CUEDC1: variants seen among roughly 807,000 people sequenced by gnomAD.
CUEDC1 encodes the protein CUE domain-containing protein 1.
In CUEDC1, 30 loss-of-function variants were observed where a neutral mutation model predicts 43.7. The ratio of observed to expected loss-of-function variants is 0.69; its 90% CI spans 0.51 to 0.93. The LOEUF (loss-of-function observed/expected upper bound fraction) is 0.93, where lower values mean the gene tolerates loss of function less well. Ranked by LOEUF, CUEDC1 falls within the 40% of genes least tolerant of loss-of-function variation. CUEDC1 has a pLI of 0.00. For missense variants in CUEDC1, 486 were observed against 549.0 expected (o/e 0.89, Z 1.15); for synonymous variants, 223 against 223.6 (o/e 1.00, Z 0.02).
chr17:57,939,248 T>C (rs62081792), intron 1 of CUEDC1, among the ~76,000 whole-genome samples: 11,476 of 151,612 alleles, frequency 0.076, 586 homozygotes, highest in South Asian at 0.13. Context: ...ATTGCAGGCA[T>C]GAGCCACCAT....
intron 1 of CUEDC1, among the ~76,000 whole-genome samples, chr17:57,943,806 A>T (rs1484267231): frequency 6.6e-6 from 1 of 152,160 alleles, no homozygotes; most frequent in African/African-American, 2.4e-5. Flanking sequence ...CTCCAAAAAA[A>T]ACTCTCATAT....
chr17:57,868,336 G>A, intron 7 of CUEDC1, 93 bp from the exon 8 acceptor site: 1 of 1,144,636 alleles, frequency 8.7e-7, no homozygotes, highest in Non-Finnish European at 1.3e-6. Flanking sequence ...GGAGGACCAA[G>A]GCCCCCCGGA....
chr17:57,867,528 C>A, intron 8 of CUEDC1, 113 bp from the exon 9 acceptor site: 2 of 903,226 alleles, frequency 2.2e-6, no homozygotes, highest in Non-Finnish European at 3.5e-6. Flanking sequence ...ACCTGACACA[C>A]CCACCTGACC....
intron 1 of CUEDC1, among the ~76,000 whole-genome samples, chr17:57,890,994 C>T (rs1270666905): frequency 1.3e-5 from 2 of 152,216 alleles, no homozygotes; most frequent in Non-Finnish European, 2.9e-5. Flanking sequence ...ATAATAAGCA[C>T]CAGTGACACA....
intron 3 of CUEDC1, among the ~76,000 whole-genome samples, chr17:57,877,602 T>G (rs938692828): frequency 2.1e-3 from 242 of 117,328 alleles, no homozygotes; most frequent in Middle Eastern, 4.7e-3. Context: ...AAGGTGGGGG[T>G]GGGGATAGGC....
At chr17:57,887,743 GA>G (rs2074311009) in intron 1 of CUEDC1, among the ~76,000 whole-genome samples, 1 of 143,908 alleles carries the variant, frequency 6.9e-6, no homozygotes, top group South Asian at 2.2e-4. Context: ...GACGTCAGGT[GA>G]TCTGCCCACC....
chr17:57,935,768 C>T (rs2074856031), intron 1 of CUEDC1, among the ~76,000 whole-genome samples: 2 of 152,164 alleles, frequency 1.3e-5, no homozygotes, highest in African/African-American at 2.4e-5. Flanking sequence ...AGCGCCTGGC[C>T]GTCCCACCCC....
intron 1 of CUEDC1, among the ~76,000 whole-genome samples, chr17:57,941,708 C>T (rs755567976): frequency 6.6e-6 from 1 of 152,254 alleles, no homozygotes; most frequent in Non-Finnish European, 1.5e-5. Flanking sequence ...GGTTACTTAA[C>T]CCTCAGCCTC....
At chr17:57,932,537 A>C (rs1158112104) in intron 1 of CUEDC1, among the ~76,000 whole-genome samples, 1 of 147,386 alleles carries the variant, frequency 6.8e-6, no homozygotes, top group Admixed American at 6.8e-5. Context: ...GTGAGCAGAG[A>C]TCACGCCACT....
In CUEDC1 at chr17:57,895,962, G is replaced by A. The variant is rs182397854; in HGVS notation, c.-315-10083C>T. 5.3e-5 allele frequency among the ~76,000 whole-genome samples: 8 copies of A among 152,332 alleles called. No homozygotes were observed. The East Asian group carries it at 1.5e-3, about 29-fold the overall frequency. Reference sequence around the variant, plus strand: ...GCTGAAGGCCCCCCCAGTAGGCTGAGTTCTGAGGTCTGGACAGCAGCAGGA... The same window carrying A: ...GCTGAAGGCCCCCCCAGTAGGCTGAATTCTGAGGTCTGGACAGCAGCAGGA... On this transcript the variant is annotated intron_variant, in intron 1 of 10. Coordinates refer to ENST00000577830, the MANE Select transcript of CUEDC1 (RefSeq NM_001271875.2).
chr17:57,877,357 G>A lies in CUEDC1; in HGVS notation c.464+2254C>T, dbSNP rs954500955. Among the ~76,000 whole-genome samples, 7 of 152,316 alleles carry A rather than the reference G, an allele frequency of 4.6e-5. No homozygotes were observed. The East Asian group carries it at 9.7e-4, about 21-fold the overall frequency. On this transcript the variant is annotated intron_variant, in intron 3 of 10. Transcript: ENST00000577830. ...TTTATACTGGGATTTTCAGCCAAGC[G>A]TGACGGTATGCCCTGTAGTCCCAGC...
At chr17:57,904,274 A>G (rs1000112498) in intron 1 of CUEDC1, among the ~76,000 whole-genome samples, 4 of 151,938 alleles carry the variant, frequency 2.6e-5, no homozygotes, top group African/African-American at 9.7e-5. Flanking sequence ...ACCCATAACC[A>G]TCCTCACGGG....
chr17:57,948,762 G>A (rs2074979679), intron 1 of CUEDC1, among the ~76,000 whole-genome samples: 1 of 152,078 alleles, frequency 6.6e-6, no homozygotes, highest in African/African-American at 2.4e-5. Context: ...ATCCTATCTG[G>A]AATGTCTTCC....
chr17:57,870,688 T>C (rs1232040115), intron 6 of CUEDC1, among the ~76,000 whole-genome samples: 3 of 151,812 alleles, frequency 2.0e-5, no homozygotes, highest in Non-Finnish European at 4.4e-5. Context: ...TCTTTTTTTT[T>C]TTTTTGGAGA....
At chr17:57,896,360 C>A (rs11079336) in intron 1 of CUEDC1, among the ~76,000 whole-genome samples, 49,636 of 151,868 alleles carry the variant, frequency 0.33, 9,213 homozygotes, top group African/African-American at 0.49. Context: ...CCTCCTCTCT[C>A]TATATAATGC....
intron 1 of CUEDC1, among the ~76,000 whole-genome samples, chr17:57,925,763 G>A (rs941160497): frequency 1.3e-5 from 2 of 152,228 alleles, no homozygotes; most frequent in African/African-American, 4.8e-5. Flanking sequence ...GTGCAAATGT[G>A]AAGGAGGAAG....
At position 57,899,057 on chromosome 17, in the gene CUEDC1, A is replaced by AGGACAGAG. The variant is rs376055715; in HGVS notation, c.-315-13186_-315-13179dup. On this transcript the variant is annotated intron_variant, in intron 1 of 10. Transcript: ENST00000577830. The stretch of plus-strand genomic sequence containing the variant: ...TCTGGCAGCTGAGGAATGTAGGCCC[A>AGGACAGAG]GGACAGAGGAACAGAGGCTGGGAGG... 4.4e-3 allele frequency among the ~76,000 whole-genome samples: 665 copies of AGGACAGAG among 152,290 alleles called. 5 individuals are homozygous for AGGACAGAG. Among genetic ancestry groups the AGGACAGAG allele is most frequent in the African/African-American group, 0.014 (583 of 41,564 alleles).
intron 1 of CUEDC1, among the ~76,000 whole-genome samples, chr17:57,915,878 T>G (rs1164477600): frequency 6.6e-6 from 1 of 152,186 alleles, no homozygotes; most frequent in Non-Finnish European, 1.5e-5. Flanking sequence ...TCTAAAGACA[T>G]GCTCCCAAGC....
chr17:57,872,824 C>A lies in CUEDC1; in HGVS notation c.623G>T (p.Gly208Val), dbSNP rs1213215882. The change falls in exon 5 of 11, where the codon GGA (glycine) becomes GTA (valine). Residue 208 changes from glycine to valine, a missense_variant. By Grantham distance (109) the Gly-to-Val change is moderately radical (BLOSUM62 -3). Transcript: ENST00000577830. ...GNAGGPKPGS[G>V]EGCPPAMAGP... ...AGCCATGGCAGGTGGACATCCCTCT[C>A]CACTCCCAGGCTTGGGGCCCCCAGC... 6.2e-7 allele frequency: 1 copy of A among 1,613,962 alleles called. No individual in the cohort carries two copies. Among genetic ancestry groups the A allele is most frequent in the African/African-American group, 1.3e-5 (1 of 75,046 alleles).
Sources: allele counts gnomAD v4.1 joint callset (sites outside exome capture counted in the v4.1 genomes callset), GRCh38; gene constraint gnomAD v4.1.1; transcripts MANE v1.5; gene names NCBI Gene and HGNC (gene_info 2026-07-23, HGNC 2026-07-21).